Variants in WDR41 observed in about 807,000 individuals in gnomAD.
The protein encoded by WDR41 is WD repeat-containing protein 41.
WDR41 carries 63 observed loss-of-function variants against 69.3 expected under a neutral mutation model. The observed-to-expected ratio is 0.91, with a 90% CI of 0.74 to 1.12. The LOEUF (loss-of-function observed/expected upper bound fraction) is 1.12. Among genes scored for constraint, WDR41 ranks in the 50% most tolerant of loss-of-function variants. The pLI is 0.00. For synonymous variants in WDR41, 185 were observed against 192.1 expected, an observed-to-expected ratio of 0.96 and a Z score of 0.31; for missense variants, 543 against 534.5, an observed-to-expected ratio of 1.02 and a Z score of -0.16.
intron 1 of WDR41, 50 bp downstream of exon 1, chr5:77,492,120 G>A (rs768053619): frequency 1.6e-5 from 26 of 1,596,598 alleles, no homozygotes; most frequent in African/African-American, 2.7e-5. Context: ...GAACGAAGCC[G>A]CCCCTCCAGC....
chr5:77,512,745 C>CAAAAAAAAAAAAAAAAA (rs71606301), intron 1 of WDR41, among the ~76,000 whole-genome samples: 106 of 74,050 alleles, frequency 1.4e-3, no homozygotes, highest in Non-Finnish European at 2.2e-3. Flanking sequence ...GACTCCATCT[C>CAAAAAAAAAAAAAAAAA]AAAAAAAAAA....
At chr5:77,453,242 ATAGT>A (rs1278558618) in intron 6 of WDR41, among the ~76,000 whole-genome samples, 1 of 152,202 alleles carries the variant, frequency 6.6e-6, no homozygotes, top group African/African-American at 2.4e-5. Context: ...AGAAATAACA[ATAGT>A]TAGTGTGACT....
At position 77,433,104 on chromosome 5, in the gene WDR41, G is replaced by A; in HGVS notation, c.*31C>T. The A allele has an allele frequency of 6.3e-7, 1 of 1,591,822 alleles. No individual in the cohort carries two copies. The highest frequency in any genetic ancestry group is 1.1e-5 in the South Asian group (1 of 86,998). Reference sequence around the variant, plus strand: ...TAGTACCCGATATTTGATGTTCAAGGTTCATGCATGTGTATTTTTAATTCC... The same window carrying A: ...TAGTACCCGATATTTGATGTTCAAGATTCATGCATGTGTATTTTTAATTCC... On this transcript the variant is annotated 3_prime_UTR_variant, in exon 13 of 13. Transcript: ENST00000296679.
At chr5:77,598,763 C>T (rs1028441908) in intron 1 of WDR41, among the ~76,000 whole-genome samples, 8 of 150,986 alleles carry the variant, frequency 5.3e-5, no homozygotes, top group Admixed American at 1.3e-4. Flanking sequence ...TAGATTTGCA[C>T]AGACAATTAT....
rs185185547 is a variant in WDR41, at chr5:77,504,723, C to T, written c.43-15151G>A. Among the ~76,000 whole-genome samples, 539 of 152,198 alleles carry T rather than the reference C, an allele frequency of 3.5e-3. 4 individuals are homozygous for T. Among genetic ancestry groups the T allele is most frequent in the African/African-American group, 0.012 (494 of 41,514 alleles). On this transcript the variant is annotated intron_variant, in intron 1 of 5. Coordinates refer to the WDR41 transcript ENST00000509971. The stretch of plus-strand genomic sequence containing the variant: ...TGGGATGCAAGGCTGGTTCAATATA[C>T]GCAAATCAATAAACGTAATCCATCA...
At chr5:77,537,625 G>A (rs1379509717) in intron 1 of WDR41, among the ~76,000 whole-genome samples, 2 of 152,034 alleles carry the variant, frequency 1.3e-5, no homozygotes, top group East Asian at 1.9e-4. Flanking sequence ...GAGATGTTTC[G>A]GGGAGTGGGC....
At chr5:77,547,868 C>T (rs1008189832) in intron 1 of WDR41, among the ~76,000 whole-genome samples, 1 of 152,102 alleles carries the variant, frequency 6.6e-6, no homozygotes, top group African/African-American at 2.4e-5. Context: ...CATCACATTA[C>T]CTGATTTCAA....
intron 1 of WDR41, among the ~76,000 whole-genome samples, chr5:77,500,847 T>C (rs532226605): frequency 9.9e-5 from 15 of 152,280 alleles, no homozygotes; most frequent in African/African-American, 3.4e-4. Flanking sequence ...AAAAAGATAC[T>C]AAAAACTTTA....
At chr5:77,569,236 C>T (rs949501523) in intron 1 of WDR41, among the ~76,000 whole-genome samples, 6 of 151,832 alleles carry the variant, frequency 4.0e-5, no homozygotes, top group Non-Finnish European at 8.8e-5. Context: ...TTCAAGGAGC[C>T]AAAAAATAAA....
At chr5:77,584,516 T>C (rs1374598549) in intron 1 of WDR41, among the ~76,000 whole-genome samples, 1 of 152,110 alleles carries the variant, frequency 6.6e-6, no homozygotes, top group East Asian at 1.9e-4. Context: ...AAGAAGTAAA[T>C]AATTTTAAGA....
intron 1 of WDR41, among the ~76,000 whole-genome samples, chr5:77,588,908 C>G (rs1444757982): frequency 6.6e-6 from 1 of 152,188 alleles, no homozygotes; most frequent in South Asian, 2.1e-4. Context: ...TAGAGCACAT[C>G]ACTGCCTTCT....
chr5:77,596,209 G>A (rs951492124), intron 1 of WDR41, among the ~76,000 whole-genome samples: 1 of 152,194 alleles, frequency 6.6e-6, no homozygotes, highest in African/African-American at 2.4e-5. Context: ...GTGCAGTGGT[G>A]TGATCTTGGC....
At chr5:77,591,232 T>C (rs1744131703) in intron 1 of WDR41, among the ~76,000 whole-genome samples, 1 of 152,114 alleles carries the variant, frequency 6.6e-6, no homozygotes, top group African/African-American at 2.4e-5. Flanking sequence ...TTTCAATAAT[T>C]AGGATCTATA....
In WDR41 at chr5:77,545,852, C is replaced by G. The variant is rs1743186890; in HGVS notation, c.43-56280G>C. The G allele has an allele frequency of 1.1e-5, 7 of 664,274 alleles. No individual in the cohort carries two copies. The South Asian group carries it at 1.4e-4, about 13-fold the overall frequency. 41.1% of individuals were successfully genotyped at this position (664,274 alleles called of 1,614,324 possible). A position where few individuals can be genotyped will look rare whatever the true frequency, so the allele number is the denominator to read the frequency against. On this transcript the variant is annotated intron_variant, in intron 1 of 5. Coordinates refer to the WDR41 transcript ENST00000509971. ...CCATCCGTGGGGCCATGATCCTGGC[C>G]AAGCAGTCCATTGTCCCTGTGCTAC...
At position 77,440,971 on chromosome 5, in the gene WDR41, C is replaced by T. The variant is rs547495928; in HGVS notation, c.724G>A (p.Val242Ile). The stretch of plus-strand genomic sequence containing the variant: ...GCATCCCAGATGATCAGCTCTCCGA[C>T]GTGGGAGCCGGTGACAAAACTCAAA... ...NDLSFVTGSHVGELIIWDALD... is the reference protein window; with the variant it reads ...NDLSFVTGSHIGELIIWDALD... Residue 242 changes from valine to isoleucine, a missense_variant, in exon 9 of 13, where the codon GTC becomes ATC. Physicochemically the swap from Val to Ile is conservative, Grantham distance 29. Transcript: ENST00000296679. 10 of 1,613,290 alleles carry T rather than the reference C, an allele frequency of 6.2e-6. No homozygotes were observed. The highest frequency in any genetic ancestry group is 3.3e-5 in the South Asian group (3 of 90,734).
chr5:77,447,924 T>A (rs919985664), intron 8 of WDR41, among the ~76,000 whole-genome samples: 1 of 152,238 alleles, frequency 6.6e-6, no homozygotes, highest in African/African-American at 2.4e-5. Context: ...AAAAAGTGCA[T>A]GAGGCTTTCT....
intron 1 of WDR41, among the ~76,000 whole-genome samples, chr5:77,539,742 A>T (rs767853217): frequency 4.6e-5 from 7 of 152,204 alleles, no homozygotes; most frequent in Non-Finnish European, 8.8e-5. Context: ...AGTGTTTTAT[A>T]CTAACAGCTA....
chr5:77,472,097 T>C (rs1409579004), intron 2 of WDR41, among the ~76,000 whole-genome samples: 1 of 152,214 alleles, frequency 6.6e-6, no homozygotes, highest in Non-Finnish European at 1.5e-5. Flanking sequence ...GCTTCATCAC[T>C]GGGATGCAAG....
intron 1 of WDR41, among the ~76,000 whole-genome samples, chr5:77,490,923 C>T (rs1214576871): frequency 6.6e-6 from 1 of 152,176 alleles, no homozygotes; most frequent in Non-Finnish European, 1.5e-5. Flanking sequence ...AGAAGACTGC[C>T]TACTCTCAAC....
Sources: gnomAD v4.1 joint callset for allele counts (sites outside exome capture counted in the v4.1 genomes callset) on GRCh38, gnomAD v4.1.1 for gene constraint, MANE v1.5 for transcripts, NCBI Gene and HGNC (gene_info 2026-07-23, HGNC 2026-07-21) for gene names.